ABL2: variants seen among roughly 807,000 people sequenced by gnomAD.
ABL2 encodes the protein ABL proto-oncogene 2, non-receptor tyrosine kinase.
In ABL2, 49 loss-of-function variants were observed where a neutral mutation model predicts 107.7. That is an observed-to-expected ratio of 0.45 (90% CI 0.36 to 0.58). The LOEUF is 0.58. Among genes scored for constraint, ABL2 ranks in the 20% least tolerant of loss-of-function variants. The pLI, the probability that ABL2 is intolerant of heterozygous loss-of-function variation, is 0.00. For missense variants in ABL2, 1,245 were observed against 1,457.0 expected, an observed-to-expected ratio of 0.85 and a Z score of 2.37; for synonymous variants, 549 against 548.6, an observed-to-expected ratio of 1.00 and a Z score of -0.01.
chr1:179,213,122 T>C (rs1662374849), intron 1 of ABL2, among the ~76,000 whole-genome samples: 1 of 151,510 alleles, frequency 6.6e-6, no homozygotes, highest in East Asian at 1.9e-4. Flanking sequence ...ACATCAAAAA[T>C]TTAAATTCAA....
intron 1 of ABL2, among the ~76,000 whole-genome samples, chr1:179,176,845 G>A (rs865935481): frequency 1.4e-4 from 22 of 151,806 alleles, no homozygotes; most frequent in Non-Finnish European, 2.4e-4. Flanking sequence ...ACAGGTGCCC[G>A]CCACCATGCT....
chr1:179,202,321 T>TA (rs1661719595), intron 1 of ABL2, among the ~76,000 whole-genome samples: 1 of 152,166 alleles, frequency 6.6e-6, no homozygotes, highest in East Asian at 1.9e-4. Context: ...AATCACCACC[T>TA]AAAAACTAGT....
intron 1 of ABL2, among the ~76,000 whole-genome samples, chr1:179,213,328 C>CT (rs888263634): frequency 4.0e-5 from 6 of 150,520 alleles, no homozygotes; most frequent in Admixed American, 1.3e-4. Context: ...TTATTTTTGT[C>CT]TTTTTTTTTC....
At chr1:179,129,176 T>C (rs1656036478) in intron 3 of ABL2, among the ~76,000 whole-genome samples, 1 of 152,200 alleles carries the variant, frequency 6.6e-6, no homozygotes. Context: ...GAAACCACTG[T>C]TGGTCATAAG....
rs181508208 is a variant in ABL2, at chr1:179,218,856, T to G, written c.157+10385A>C. On this transcript the variant is annotated intron_variant, in intron 1 of 11. Transcript: ENST00000502732. Reference sequence around the variant, plus strand: ...TGGAGGTGGGACCCAGCAATCTGCTTTAACAAGCTCTCCACGCTCAAGTTT... The same window carrying G: ...TGGAGGTGGGACCCAGCAATCTGCTGTAACAAGCTCTCCACGCTCAAGTTT... Among the ~76,000 whole-genome samples, 5 of 152,308 alleles carry G rather than the reference T, an allele frequency of 3.3e-5. No individual in the cohort carries two copies. In the East Asian group the frequency reaches 7.7e-4, roughly 24 times the overall value.
rs76632869 is a variant in ABL2 at position 179,115,679 on chromosome 1, G to A, written c.1409-649C>T. Among the ~76,000 whole-genome samples, 1,052 of 151,578 alleles carry A rather than the reference G, an allele frequency of 6.9e-3. 12 individuals carry two copies. Among genetic ancestry groups the A allele is most frequent in the African/African-American group, 0.024 (987 of 41,300 alleles). On this transcript the variant is annotated intron_variant, in intron 8 of 11. Coordinates refer to ENST00000502732, the MANE Select transcript of ABL2 (RefSeq NM_007314.4). Reference sequence around the variant, plus strand: ...ACTATCCTTGGTTTCAGGCATCCAAGGGGGGGGTCTTAGAATGTATTCTCC... The same window carrying A: ...ACTATCCTTGGTTTCAGGCATCCAAAGGGGGGGTCTTAGAATGTATTCTCC...
chr1:179,176,838 G>C (rs1174041530), intron 1 of ABL2, among the ~76,000 whole-genome samples: 2 of 151,798 alleles, frequency 1.3e-5, no homozygotes, highest in South Asian at 2.1e-4. Context: ...TGGGATTACA[G>C]GTGCCCGCCA....
chr1:179,208,623 A>G (rs558993320), intron 1 of ABL2, among the ~76,000 whole-genome samples: 1 of 152,310 alleles, frequency 6.6e-6, no homozygotes, highest in Non-Finnish European at 1.5e-5. Context: ...AAAACTTACA[A>G]TCAAGCTCTG....
chr1:179,132,160 T>G (rs183867095), intron 2 of ABL2, among the ~76,000 whole-genome samples: 1 of 152,376 alleles, frequency 6.6e-6, no homozygotes, highest in East Asian at 1.9e-4. Flanking sequence ...CTCTATTTTG[T>G]TTTCCTGAGC....
intron 1 of ABL2, among the ~76,000 whole-genome samples, chr1:179,194,051 G>A (rs1188401354): frequency 2.0e-5 from 3 of 152,084 alleles, no homozygotes; most frequent in Non-Finnish European, 4.4e-5. Flanking sequence ...ACAGTTTTTT[G>A]ACTTACTAAT....
chr1:179,175,626 T>C (rs1659995531), intron 1 of ABL2, among the ~76,000 whole-genome samples: 1 of 152,144 alleles, frequency 6.6e-6, no homozygotes, highest in South Asian at 2.1e-4. Flanking sequence ...TGGATGTCCT[T>C]AAGGGAGAAA....
chr1:179,194,660 G>C (rs962079998), intron 1 of ABL2, among the ~76,000 whole-genome samples: 1 of 152,158 alleles, frequency 6.6e-6, no homozygotes, highest in Non-Finnish European at 1.5e-5. Flanking sequence ...CCTTGTGAGA[G>C]ACCCTGAGCT....
At chr1:179,149,527 A>C (rs1056336176) in intron 1 of ABL2, among the ~76,000 whole-genome samples, 1 of 152,238 alleles carries the variant, frequency 6.6e-6, no homozygotes, top group Admixed American at 6.5e-5. Flanking sequence ...GACATCTAGG[A>C]CTTTCATAGC....
intron 1 of ABL2, chr1:179,184,436 C>A: frequency 1.0e-6 from 1 of 996,684 alleles, no homozygotes; most frequent in Non-Finnish European, 1.5e-6. Flanking sequence ...CACCAGAGAG[C>A]TTCTTTATCT....
At chr1:179,163,851 G>A (rs751987438) in intron 1 of ABL2, among the ~76,000 whole-genome samples, 5 of 152,188 alleles carry the variant, frequency 3.3e-5, no homozygotes, top group African/African-American at 4.8e-5. Flanking sequence ...CCATACTATG[G>A]AATACCACTC....
At chr1:179,122,083 T>C (rs573724320) in intron 4 of ABL2, among the ~76,000 whole-genome samples, 9 of 151,612 alleles carry the variant, frequency 5.9e-5, no homozygotes, top group South Asian at 4.2e-4. Context: ...CCCGCCACCA[T>C]GCCCGGCTAA....
At chr1:179,154,338 C>T (rs550286553) in intron 1 of ABL2, among the ~76,000 whole-genome samples, 2 of 152,308 alleles carry the variant, frequency 1.3e-5, no homozygotes, top group South Asian at 2.1e-4. Context: ...TGTTCCACGT[C>T]TCCTCTCTCC....
intron 1 of ABL2, chr1:179,184,456 A>C: frequency 1.0e-6 from 1 of 965,060 alleles, no homozygotes; most frequent in Non-Finnish European, 1.6e-6. Flanking sequence ...TGGTTTACTG[A>C]CCATTCTGAT....
intron 1 of ABL2, among the ~76,000 whole-genome samples, chr1:179,199,533 T>G (rs927499610): frequency 6.6e-6 from 1 of 152,182 alleles, no homozygotes; most frequent in African/African-American, 2.4e-5. Flanking sequence ...TCACAGCACA[T>G]GTACTCTAAC....
Sources: gnomAD v4.1 joint callset for allele counts (sites outside exome capture counted in the v4.1 genomes callset) on GRCh38, gnomAD v4.1.1 for gene constraint, MANE v1.5 for transcripts, NCBI Gene and HGNC (gene_info 2026-07-23, HGNC 2026-07-21) for gene names.